Variants in ZNF850 observed in about 807,000 individuals in gnomAD.
ZNF850 encodes putative zinc finger protein ENSP00000330994.
ZNF850 carries 2 observed loss-of-function variants against 11.9 expected under a neutral mutation model. That is an observed-to-expected ratio of 0.17 (90% CI 0.07 to 0.53). The LOEUF (loss-of-function observed/expected upper bound fraction) is 0.53. ZNF850 is among the 20% of genes least tolerant of loss of function. The pLI is 0.94. For missense variants in ZNF850, 1,014 were observed against 1,316.4 expected, an observed-to-expected ratio of 0.77 and a Z score of 3.55; for synonymous variants, 381 against 443.0, an observed-to-expected ratio of 0.86 and a Z score of 1.76.
intron 4 of ZNF850, among the ~76,000 whole-genome samples, chr19:36,758,951 C>T (rs1466885187): frequency 6.6e-6 from 1 of 151,672 alleles, no homozygotes; most frequent in Non-Finnish European, 1.5e-5. Context: ...GGTGTGGTGG[C>T]ACATGCCTGT....
At chr19:36,753,579 G>T (rs1420685080) in intron 4 of ZNF850, among the ~76,000 whole-genome samples, 9 of 151,634 alleles carry the variant, frequency 5.9e-5, no homozygotes, top group Non-Finnish European at 1.2e-4. Context: ...GGTGACCACG[G>T]GAGAACCTGT....
intron 4 of ZNF850, among the ~76,000 whole-genome samples, chr19:36,751,419 G>A (rs1292404649): frequency 6.6e-6 from 1 of 152,000 alleles, no homozygotes; most frequent in Non-Finnish European, 1.5e-5. Context: ...AAGCTAAGGA[G>A]GCCAGGCACA....
chr19:36,749,911 G>A lies in ZNF850; in HGVS notation c.1129C>T (p.His377Tyr), dbSNP rs879002482. The A allele has an allele frequency of 7.0e-6, 11 of 1,570,126 alleles. No homozygotes were observed. In the Admixed American group the frequency reaches 1.5e-4, roughly 21 times the overall value. The change falls in exon 5 of 5, where the codon CAC becomes TAC. Residue 377 changes from histidine (H) to tyrosine (Y), a missense_variant. Around this residue, in one of 2 missense-constraint regions of ZNF850, gnomAD observed 835 missense variants for 1,022.0 expected, o/e 0.82. Transcript: ENST00000591344. Reference protein sequence around the residue: ...CKECGKSFTFHSALIRHQRIH... With the variant: ...CKECGKSFTFYSALIRHQRIH... ...CGCTGATGTCGAATTAGAGCTGAGT[G>A]AAAAGTAAAAGATTTTCCACATTCC...
intron 1 of ZNF850, among the ~76,000 whole-genome samples, chr19:36,768,870 G>A (rs192173766): frequency 1.3e-5 from 2 of 151,970 alleles, no homozygotes; most frequent in African/African-American, 4.8e-5. Context: ...GCTGAAGTGG[G>A]AGGATCCCTT....
intron 1 of ZNF850, among the ~76,000 whole-genome samples, chr19:36,769,959 C>T (rs1292787692): frequency 6.6e-6 from 1 of 152,198 alleles, no homozygotes; most frequent in Non-Finnish European, 1.5e-5. Flanking sequence ...TTCTGACTGA[C>T]GGGTTCAATT....
chr19:36,758,942 GTGTGGTGGCACAT>G (rs2040502750), intron 4 of ZNF850, among the ~76,000 whole-genome samples: 1 of 151,926 alleles, frequency 6.6e-6, no homozygotes, highest in African/African-American at 2.4e-5. Flanking sequence ...AATTAGCTGG[GTGTGGTGGCACAT>G]GCCTGTAATC....
Position 36,748,637 on chromosome 19 carries a change from A to G in ZNF850, c.2403T>C (p.Ile801=). The change falls in exon 5 of 5, where the codon ATT becomes ATC. Residue 801 remains isoleucine, a synonymous_variant. Coordinates refer to ENST00000591344, the MANE Select transcript of ZNF850 (RefSeq NM_001193552.2). ...GKSFTSHSTL[I]QHQPLHTGEK... Reference sequence around the variant, plus strand: ...CACCAGTGTGAAGTGGCTGATGTTGAATTAGTGTTGAATGAGAAGTAAAAG... The same window carrying G: ...CACCAGTGTGAAGTGGCTGATGTTGGATTAGTGTTGAATGAGAAGTAAAAG... 1 of 1,537,172 alleles carries G rather than the reference A, an allele frequency of 6.5e-7. No homozygotes were observed. Among genetic ancestry groups the G allele is most frequent in the South Asian group, 1.2e-5 (1 of 84,062 alleles).
intron 4 of ZNF850, among the ~76,000 whole-genome samples, chr19:36,761,257 T>C (rs1427407609): frequency 2.6e-5 from 4 of 151,888 alleles, no homozygotes; most frequent in Non-Finnish European, 4.4e-5. Context: ...CTAGCCCACA[T>C]GGTAAAACCC....
In ZNF850 at chr19:36,769,187, G is replaced by A. The variant is rs540021515; in HGVS notation, c.-70+3538C>T. 4.3e-4 allele frequency among the ~76,000 whole-genome samples: 64 copies of A among 149,764 alleles called. 1 individual carries two copies. In the South Asian group the frequency reaches 9.1e-3, roughly 21 times the overall value. Reference sequence around the variant, plus strand: ...GAGACAGGAAGACTCACTTGAACCCGGCAGGCGGAGGCTGCAGTGAGCTGA... The same window carrying A: ...GAGACAGGAAGACTCACTTGAACCCAGCAGGCGGAGGCTGCAGTGAGCTGA... On this transcript the variant is annotated intron_variant, in intron 1 of 4. Coordinates refer to ENST00000591344, the MANE Select transcript of ZNF850 (RefSeq NM_001193552.2).
chr19:36,764,370 C>T (rs540178737), intron 1 of ZNF850, among the ~76,000 whole-genome samples: 2 of 152,188 alleles, frequency 1.3e-5, no homozygotes, highest in Non-Finnish European at 2.9e-5. Flanking sequence ...GACACCTGGT[C>T]ATGGGTCAGA....
At position 36,749,467 on chromosome 19, in the gene ZNF850, G is replaced by A. The variant is rs1030619605; in HGVS notation, c.1573C>T (p.Arg525Ter). ...ASGSALLQHQ[R>*]IHTGEKPYHC... ...TAGGGTTTCTCACCAGTGTGAATTC[G>A]CTGATGTTGAAGTAGTGCTGAGCCA... The change falls in exon 5 of 5, where the codon CGA (arginine) becomes TGA (stop). Residue 525 changes from arginine (R) to a stop codon, truncating the protein, a stop_gained. Transcript: ENST00000591344. LOFTEE classifies it low-confidence loss of function (END_TRUNC). 37 of 1,550,346 alleles carry A rather than the reference G, an allele frequency of 2.4e-5. No individual in the cohort carries two copies. Among genetic ancestry groups the A allele is most frequent in the Non-Finnish European group, 1.2e-5 (14 of 1,152,726 alleles).
At chr19:36,771,824 C>T (rs575751641) in intron 1 of ZNF850, among the ~76,000 whole-genome samples, 1 of 152,318 alleles carries the variant, frequency 6.6e-6, no homozygotes, top group East Asian at 1.9e-4. Context: ...TTCCCAACCG[C>T]CTGACTTCCT....
At position 36,744,912 on chromosome 19, in the gene ZNF850, G is replaced by A. The variant is rs763550714; in HGVS notation, c.*2855C>T. ...AGGTGGGCGGGTCATGAGGTCAGGA[G>A]ATTGAGACCATCCTGGCTAACATGG... On this transcript the variant is annotated 3_prime_UTR_variant, in exon 5 of 5. Transcript: ENST00000591344. 1 of 152,178 alleles carries A rather than the reference G, an allele frequency of 6.6e-6. No homozygotes were observed. The highest frequency in any genetic ancestry group is 2.1e-4 in the South Asian group (1 of 4,828). 9.4% of individuals were successfully genotyped at this position (152,178 alleles called of 1,614,324 possible).
Position 36,759,649 on chromosome 19 carries a change from T to C in ZNF850, c.235+1994A>G, listed in dbSNP as rs539101079. ...TAACTACTGCAGCTAGGAAATGGAT[T>C]TGGGGGATGTCCATTACACCATCCT... On this transcript the variant is annotated intron_variant, in intron 4 of 4. Transcript: ENST00000591344. Among the ~76,000 whole-genome samples, 3 of 152,232 alleles carry C rather than the reference T, an allele frequency of 2.0e-5. No homozygotes were observed. In the South Asian group the frequency reaches 6.2e-4, roughly 32 times the overall value.
At chr19:36,751,698 C>CAAA (rs398038336) in intron 4 of ZNF850, among the ~76,000 whole-genome samples, 169 of 15,770 alleles carry the variant, frequency 0.011, 28 homozygotes, top group East Asian at 0.016. Context: ...GACTCCATCT[C>CAAA]AAAAAAAAAA....
chr19:36,763,006 T>G (rs1484488416), intron 1 of ZNF850, among the ~76,000 whole-genome samples: 1 of 152,042 alleles, frequency 6.6e-6, no homozygotes, highest in East Asian at 1.9e-4. Context: ...TCCTCTCACC[T>G]CAGCCTTTGT....
At position 36,743,607 on chromosome 19, in the gene ZNF850, AAC is replaced by A. The variant is rs1433042759; in HGVS notation, c.*4158_*4159del. 3 of 138,932 alleles carry A rather than the reference AAC, an allele frequency of 2.2e-5. No individual in the cohort carries two copies. Among genetic ancestry groups the A allele is most frequent in the Non-Finnish European group, 3.2e-5 (2 of 61,804 alleles). 8.6% of individuals were successfully genotyped at this position (138,932 alleles called of 1,614,324 possible). A position where few individuals can be genotyped will look rare whatever the true frequency, so the allele number is the denominator to read the frequency against. On this transcript the variant is annotated 3_prime_UTR_variant, in exon 5 of 5. Coordinates refer to ENST00000591344, the MANE Select transcript of ZNF850 (RefSeq NM_001193552.2). ...ATGTTACAATCCTTAGACAAAAACC[AAC>A]AGTTTAGTACATAGTAATAGTAATC...
rs1358418911 is a variant in ZNF850 at position 36,749,935 on chromosome 19, C to T, written c.1105G>A (p.Glu369Lys). The T allele has an allele frequency of 7.0e-6, 11 of 1,570,520 alleles. No homozygotes were observed. The South Asian group carries it at 1.3e-4, about 18-fold the overall frequency. Residue 369 changes from glutamate to lysine, a missense_variant, in exon 5 of 5, where the codon GAA (glutamate) becomes AAA (lysine). This residue lies in a region of ZNF850 where 835 missense variants were observed against 1,022.0 expected (regional missense o/e 0.82). Transcript: ENST00000591344. The stretch of plus-strand genomic sequence containing the variant: ...TGAAAAGTAAAAGATTTTCCACATT[C>T]CTTACAGTCATAGGGTTTCTCACCA... ...HTGEKPYDCK[E>K]CGKSFTFHSA...
rs1327699007 is a variant in ZNF850 at position 36,748,998 on chromosome 19, G to T, written c.2042C>A (p.Ala681Asp). The T allele has an allele frequency of 6.2e-7, 1 of 1,607,274 alleles. No individual in the cohort carries two copies. Among genetic ancestry groups the T allele is most frequent in the East Asian group, 2.2e-5 (1 of 44,676 alleles). ...KPYECPDCGKAFRQRTYLNQH... is the reference protein window; with the variant it reads ...KPYECPDCGKDFRQRTYLNQH... ...ATTAAGGTATGTACGCTGTCTAAAG[G>T]CCTTCCCACAGTCCGGACATTCATA... The change falls in exon 5 of 5, where the codon GCC (alanine) becomes GAC (aspartate). Residue 681 changes from alanine to aspartate, a missense_variant. Ala to Asp is a moderately radical substitution (Grantham distance 126). This residue lies in a region of ZNF850 where 835 missense variants were observed against 1,022.0 expected (regional missense o/e 0.82). Transcript: ENST00000591344.
Sources: gnomAD v4.1 joint callset for allele counts (sites outside exome capture counted in the v4.1 genomes callset) on GRCh38, gnomAD v4.1.1 for gene constraint, gnomAD v4.1.1 regional missense constraint, MANE v1.5 for transcripts, NCBI Gene and HGNC (gene_info 2026-07-23, HGNC 2026-07-21) for gene names.